Variants in TENM1 observed in about 807,000 individuals in gnomAD.
TENM1 encodes teneurin-1.
Under a neutral mutation model 174.8 loss-of-function variants are expected in TENM1, and 35 were observed. The ratio of observed to expected loss-of-function variants is 0.20; its 90% CI spans 0.15 to 0.27. TENM1 has a LOEUF of 0.27. Among genes scored for constraint, TENM1 ranks in the 10% least tolerant of loss-of-function variants. The probability of loss-of-function intolerance (pLI) is 1.00; values close to 1 mark genes in which losing one functional copy is unlikely to be tolerated. For synonymous variants in TENM1, 781 were observed against 798.7 expected, an observed-to-expected ratio of 0.98 and a Z score of 0.37; for missense variants, 1,633 against 2,130.1, an observed-to-expected ratio of 0.77 and a Z score of 4.59.
At chrX:124,975,955 A>G in the TENM1 span, among the ~76,000 whole-genome samples, 1 of 111,011 alleles carries the variant, frequency 9.0e-6, no homozygotes, top group Admixed American at 9.7e-5. Flanking sequence ...GTGGGGAAAT[A>G]CCTACTATCA....
At position 124,915,299 on chromosome X, in the gene TENM1, C is replaced by T. The variant is rs1247166505; in HGVS notation, c.218-19058G>A. 3.6e-5 allele frequency among the ~76,000 whole-genome samples: 4 copies of T among 111,991 alleles called. No homozygotes were observed. The South Asian group carries it at 1.5e-3, about 42-fold the overall frequency. Reference sequence around the variant, plus strand: ...TAACACTTTGGAAGGCTGAGGCAGGCGGATCACCTGAGGTTAGGAGTTTGA... The same window carrying T: ...TAACACTTTGGAAGGCTGAGGCAGGTGGATCACCTGAGGTTAGGAGTTTGA... On this transcript the variant is annotated intron_variant, in intron 1 of 31. Coordinates refer to ENST00000422452, the Ensembl canonical transcript of TENM1.
intron 21 of TENM1, among the ~76,000 whole-genome samples, chrX:124,483,754 T>C (rs184262498): frequency 1.7e-4 from 19 of 112,146 alleles, no homozygotes; most frequent in African/African-American, 5.5e-4. Flanking sequence ...ACAGCTTCTT[T>C]CTTTATGAAA....
the TENM1 span, among the ~76,000 whole-genome samples, chrX:125,094,004 C>T: frequency 9.0e-6 from 1 of 111,592 alleles, no homozygotes; most frequent in Non-Finnish European, 1.9e-5. Flanking sequence ...TCTTCCTCTG[C>T]GTGGAAGAAT....
the TENM1 span, among the ~76,000 whole-genome samples, chrX:125,084,378 AT>A: frequency 0.017 from 1,805 of 108,813 alleles, 32 homozygotes; most frequent in African/African-American, 0.056. Context: ...CCTGAAAACT[AT>A]TTTTTTTTCT....
chrX:124,439,004 A>G (rs897614745), intron 23 of TENM1, among the ~76,000 whole-genome samples: 2 of 111,711 alleles, frequency 1.8e-5, no homozygotes, highest in Non-Finnish European at 3.8e-5. Context: ...ACTTAAGAAA[A>G]CTGATAGATG....
intron 11 of TENM1, among the ~76,000 whole-genome samples, chrX:124,620,530 T>G (rs2050493944): frequency 8.9e-6 from 1 of 112,260 alleles, no homozygotes; most frequent in Admixed American, 9.5e-5. Flanking sequence ...AAATTAAAAA[T>G]TATTCACAAA....
chrX:124,781,155 C>A (rs1254798761), intron 3 of TENM1, among the ~76,000 whole-genome samples: 1 of 111,776 alleles, frequency 8.9e-6, no homozygotes, highest in African/African-American at 3.2e-5. Flanking sequence ...TTGTTTGTCT[C>A]ATTAAATAAC....
At chrX:124,675,306 T>C (rs1414291330) in intron 5 of TENM1, among the ~76,000 whole-genome samples, 1 of 111,464 alleles carries the variant, frequency 9.0e-6, no homozygotes, top group East Asian at 2.8e-4. Context: ...CCAAAATGGC[T>C]ATCAGATATA....
the TENM1 span, among the ~76,000 whole-genome samples, chrX:125,006,498 G>A: frequency 1.8e-5 from 2 of 111,627 alleles, no homozygotes; most frequent in Non-Finnish European, 3.8e-5. Context: ...CTGACAAGGG[G>A]GATTCTCCCA....
intron 3 of TENM1, among the ~76,000 whole-genome samples, chrX:124,854,358 G>C (rs2056777141): frequency 9.0e-6 from 1 of 110,912 alleles, no homozygotes; most frequent in African/African-American, 3.3e-5. Flanking sequence ...TCAGGGGAAA[G>C]GGTAGGAGGT....
intron 3 of TENM1, among the ~76,000 whole-genome samples, chrX:124,870,150 A>G (rs980990764): frequency 1.8e-5 from 2 of 112,083 alleles, no homozygotes; most frequent in Admixed American, 1.9e-4. Context: ...GCAAGAAATA[A>G]TAGTTCATAT....
chrX:124,614,962 T>C (rs965696161), intron 11 of TENM1, among the ~76,000 whole-genome samples: 2 of 112,058 alleles, frequency 1.8e-5, no homozygotes, highest in African/African-American at 6.5e-5. Flanking sequence ...TTGATCATGC[T>C]TCAAGAGCTA....
At chrX:124,417,511 C>T (rs769216692) in intron 25 of TENM1, among the ~76,000 whole-genome samples, 2 of 111,315 alleles carry the variant, frequency 1.8e-5, no homozygotes, top group Non-Finnish European at 3.8e-5. Context: ...TGTGCCTGGC[C>T]CATATCTTCA....
chrX:125,166,991 T>C, the TENM1 span, among the ~76,000 whole-genome samples: 1 of 111,805 alleles, frequency 8.9e-6, no homozygotes, highest in Admixed American at 9.5e-5. Flanking sequence ...AAAACCCGGA[T>C]GCAGACAGTA....
chrX:124,773,303 G>A (rs1442759579), intron 3 of TENM1, among the ~76,000 whole-genome samples: 1 of 109,861 alleles, frequency 9.1e-6, no homozygotes, highest in East Asian at 2.9e-4. Context: ...AAGGTGTGTG[G>A]ATGGCAAGTG....
intron 11 of TENM1, among the ~76,000 whole-genome samples, chrX:124,613,825 G>T: frequency 9.0e-6 from 1 of 111,232 alleles, no homozygotes; most frequent in Non-Finnish European, 1.9e-5. Flanking sequence ...GGCATCATCT[G>T]GTCTTCCTTC....
At chrX:124,819,255 T>C (rs770656427) in intron 3 of TENM1, among the ~76,000 whole-genome samples, 2 of 111,548 alleles carry the variant, frequency 1.8e-5, no homozygotes, top group Non-Finnish European at 3.8e-5. Context: ...TTTAAAAATA[T>C]TTTCATTGCA....
the TENM1 span, among the ~76,000 whole-genome samples, chrX:125,062,483 T>A: frequency 0.093 from 10,380 of 111,530 alleles, 534 homozygotes; most frequent in Admixed American, 0.26. Context: ...GACTGGAGAC[T>A]TTTTTAGTTA....
chrX:124,489,559 C>T (rs1352548101), intron 20 of TENM1, among the ~76,000 whole-genome samples: 1 of 111,534 alleles, frequency 9.0e-6, no homozygotes, highest in Non-Finnish European at 1.9e-5. Flanking sequence ...CAGGCAACCA[C>T]AAGAATACCT....
Sources: gnomAD v4.1 joint callset for allele counts (sites outside exome capture counted in the v4.1 genomes callset) on GRCh38, gnomAD v4.1.1 for gene constraint, MANE v1.5 for transcripts, NCBI Gene and HGNC (gene_info 2026-07-23, HGNC 2026-07-21) for gene names.